The following MPPED2 variants were observed in gnomAD, a reference collection of about 807,000 sequenced individuals.
The protein encoded by MPPED2 is metallophosphoesterase domain containing 2.
A neutral mutation model predicts 33.0 loss-of-function variants in MPPED2; 5 were observed. The observed-to-expected ratio is 0.15, with a 90% CI of 0.08 to 0.32. MPPED2 has a LOEUF of 0.32. Among genes scored for constraint, MPPED2 ranks in the 10% least tolerant of loss-of-function variants. The pLI, the probability that MPPED2 is intolerant of heterozygous loss-of-function variation, is 1.00. For synonymous variants in MPPED2, 136 were observed against 141.9 expected, an observed-to-expected ratio of 0.96 and a Z score of 0.29; for missense variants, 275 against 372.1, an observed-to-expected ratio of 0.74 and a Z score of 2.15.
intron 2 of MPPED2, among the ~76,000 whole-genome samples, chr11:30,567,757 C>T (rs1362428627): frequency 6.6e-6 from 1 of 152,178 alleles, no homozygotes; most frequent in Non-Finnish European, 1.5e-5. Context: ...CCCCTATAAA[C>T]TTGAGAACAT....
chr11:30,545,027 G>T (rs942629852), intron 2 of MPPED2, among the ~76,000 whole-genome samples: 2 of 152,182 alleles, frequency 1.3e-5, no homozygotes, highest in African/African-American at 4.8e-5. Flanking sequence ...AAACAAGCAT[G>T]GCAGAAGCAG....
At chr11:30,568,335 T>C (rs1408549703) in intron 2 of MPPED2, among the ~76,000 whole-genome samples, 2 of 152,156 alleles carry the variant, frequency 1.3e-5, no homozygotes, top group Non-Finnish European at 2.9e-5. Context: ...GTCACTCTAT[T>C]CTCAAATGCT....
intron 4 of MPPED2, among the ~76,000 whole-genome samples, chr11:30,480,619 G>C (rs996550662): frequency 1.6e-4 from 24 of 152,058 alleles, no homozygotes; most frequent in Non-Finnish European, 2.9e-5. Flanking sequence ...TTGAGACTTT[G>C]CTCCTTGCAT....
intron 2 of MPPED2, among the ~76,000 whole-genome samples, chr11:30,540,276 T>C (rs1955026369): frequency 6.6e-6 from 1 of 152,158 alleles, no homozygotes; most frequent in Admixed American, 6.5e-5. Flanking sequence ...AGTAGCAGAA[T>C]AGCGTAAGGG....
intron 5 of MPPED2, among the ~76,000 whole-genome samples, chr11:30,414,939 A>C: frequency 6.6e-6 from 1 of 152,090 alleles, no homozygotes; most frequent in East Asian, 1.9e-4. Context: ...GGGCTAATTG[A>C]CTACTTTTAA....
At chr11:30,566,522 C>A (rs1475766804) in intron 2 of MPPED2, among the ~76,000 whole-genome samples, 4 of 152,088 alleles carry the variant, frequency 2.6e-5, no homozygotes, top group Non-Finnish European at 5.9e-5. Flanking sequence ...CATAAGTTAC[C>A]CTTTTTAAAG....
intron 4 of MPPED2, among the ~76,000 whole-genome samples, chr11:30,487,751 C>T (rs1951803844): frequency 6.6e-6 from 1 of 152,174 alleles, no homozygotes; most frequent in Admixed American, 6.5e-5. Context: ...GTTGGGATTA[C>T]ATGCACAAGT....
chr11:30,425,665 G>C (rs1948803213), intron 4 of MPPED2: 2 of 152,282 alleles, frequency 1.3e-5, no homozygotes, highest in South Asian at 4.1e-4. Context: ...GTGGCTCTTT[G>C]TTTTGCTGCT....
At chr11:30,547,879 G>A (rs1346645467) in intron 2 of MPPED2, among the ~76,000 whole-genome samples, 1 of 152,180 alleles carries the variant, frequency 6.6e-6, no homozygotes, top group Non-Finnish European at 1.5e-5. Flanking sequence ...TTACGAAGAT[G>A]CCATTTTTAC....
rs150897635 is a variant in MPPED2 at position 30,415,061 on chromosome 11, CCT to C, written c.653-722_653-721del. 4.3e-3 allele frequency among the ~76,000 whole-genome samples: 656 copies of C among 152,290 alleles called. 4 individuals carry two copies. Among genetic ancestry groups the C allele is most frequent in the African/African-American group, 0.015 (615 of 41,558 alleles). ...TATGGCCTGGAATGGAATCCATACG[CCT>C]CAGCAGGATAGGGCATAAAGAAGGC... On this transcript the variant is annotated intron_variant, in intron 5 of 6. Coordinates refer to ENST00000358117, the MANE Select transcript of MPPED2 (RefSeq NM_001584.3).
intron 3 of MPPED2, among the ~76,000 whole-genome samples, chr11:30,515,358 A>G (rs1046290693): frequency 7.9e-5 from 12 of 152,132 alleles, no homozygotes; most frequent in African/African-American, 2.9e-4. Context: ...AGCTCATTAA[A>G]GCTCCAATTA....
At chr11:30,444,809 A>G (rs780493663) in intron 4 of MPPED2, among the ~76,000 whole-genome samples, 8 of 152,196 alleles carry the variant, frequency 5.3e-5, no homozygotes, top group Non-Finnish European at 1.2e-4. Context: ...TACTGATGGT[A>G]GCATTATTAT....
chr11:30,569,501 A>G (rs1956599945), intron 2 of MPPED2, among the ~76,000 whole-genome samples: 1 of 152,146 alleles, frequency 6.6e-6, no homozygotes, highest in Admixed American at 6.5e-5. Flanking sequence ...GCTGTACCCA[A>G]AATGTATGGG....
At chr11:30,583,391 T>C (rs1957286107) in intron 1 of MPPED2, among the ~76,000 whole-genome samples, 1 of 152,108 alleles carries the variant, frequency 6.6e-6, no homozygotes, top group Non-Finnish European at 1.5e-5. Context: ...ACTATTCTTT[T>C]CATAAATTTT....
At chr11:30,534,000 T>C (rs1954677096) in intron 3 of MPPED2, among the ~76,000 whole-genome samples, 1 of 152,226 alleles carries the variant, frequency 6.6e-6, no homozygotes, top group Non-Finnish European at 1.5e-5. Context: ...CATTCAGTTA[T>C]TAATGGCCCA....
chr11:30,417,638 G>A lies in MPPED2; in HGVS notation c.537-5C>T, dbSNP rs776799135. 36 of 1,571,620 alleles carry A rather than the reference G, an allele frequency of 2.3e-5. No individual in the cohort carries two copies. The Admixed American group carries it at 6.0e-4, about 26-fold the overall frequency. ...CATCCATTAAACCACGGGGTCCTTT[G>A]GGGGAGATAATGCACATGGTATCAG... On this transcript the variant is annotated splice_region_variant and splice_polypyrimidine_tract_variant and intron_variant, in intron 4 of 6. Transcript: ENST00000358117.
At chr11:30,552,578 T>C (rs1955766624) in intron 2 of MPPED2, among the ~76,000 whole-genome samples, 1 of 152,210 alleles carries the variant, frequency 6.6e-6, no homozygotes, top group South Asian at 2.1e-4. Context: ...GTTCTCTTTC[T>C]TTCTGTTTTT....
intron 6 of MPPED2, among the ~76,000 whole-genome samples, chr11:30,395,462 T>C (rs1380210262): frequency 1.3e-5 from 2 of 152,190 alleles, no homozygotes; most frequent in Non-Finnish European, 2.9e-5. Flanking sequence ...CAATGGTTCA[T>C]GTCAACTCTT....
intron 3 of MPPED2, among the ~76,000 whole-genome samples, chr11:30,501,821 T>C (rs1952578176): frequency 6.6e-6 from 1 of 152,226 alleles, no homozygotes; most frequent in South Asian, 2.1e-4. Context: ...AAAGTCAGCA[T>C]AACTCCCTTA....
Sources: gnomAD v4.1 joint callset for allele counts (sites outside exome capture counted in the v4.1 genomes callset) on GRCh38, gnomAD v4.1.1 for gene constraint, MANE v1.5 for transcripts, NCBI Gene and HGNC (gene_info 2026-07-23, HGNC 2026-07-21) for gene names.